Variants in TONSL observed in about 807,000 individuals in gnomAD.
TONSL encodes tonsoku-like protein.
TONSL carries 112 observed loss-of-function variants against 147.1 expected under a neutral mutation model. The ratio of observed to expected loss-of-function variants is 0.76; its 90% CI spans 0.65 to 0.89. The LOEUF (loss-of-function observed/expected upper bound fraction) is 0.89. Among genes scored for constraint, TONSL ranks in the 40% least tolerant of loss-of-function variants. TONSL has a pLI of 0.00. For synonymous variants in TONSL, 868 were observed against 801.5 expected (o/e 1.08, Z -1.40); for missense variants, 1,883 against 1,864.6 (o/e 1.01, Z -0.18).
At chr8:144,430,241 T>C (rs939777927) in intron 25 of TONSL, among the ~76,000 whole-genome samples, 163 bp downstream of exon 25, 3 of 152,152 alleles carry the variant, frequency 2.0e-5, no homozygotes, top group African/African-American at 7.2e-5. Context: ...CATGCCCCTT[T>C]TCTGTCACTG....
rs201661140 is a variant in TONSL at position 144,435,904 on chromosome 8, G to C, written c.2529C>G (p.Thr843=). ...CCCGGGGGCGGGGCCGGCGGCTGCG[G>C]GTCAGGGGCATGTCCAGCTCCAGCC... ...GDWLELDMPL[T]RSRRPRPRGT... is the part of the protein sequence containing the mutation. Residue 843 remains threonine (T), a synonymous_variant, in exon 17 of 26, where the codon ACC becomes ACG. Transcript: ENST00000409379. The C allele has an allele frequency of 1.9e-5, 31 of 1,593,834 alleles. No homozygotes were observed. The African/African-American group carries it at 3.6e-4, about 19-fold the overall frequency.
Position 144,433,724 on chromosome 8 carries a change from C to G in TONSL, c.3423G>C (p.Leu1141=). The G allele has an allele frequency of 6.2e-7, 1 of 1,602,306 alleles. No individual in the cohort carries two copies. The highest frequency in any genetic ancestry group is 8.5e-7 in the Non-Finnish European group (1 of 1,175,000). ...LEELDLSMNP[L]GDGCGQSLAS... Reference sequence around the variant, plus strand: ...CCAGGGACTGGCCACAGCCGTCCCCCAGGGGGTTCATGCTTAAGTCCAGCT... The same window carrying G: ...CCAGGGACTGGCCACAGCCGTCCCCGAGGGGGTTCATGCTTAAGTCCAGCT... Residue 1141 remains leucine, a synonymous_variant, in exon 22 of 26, where the codon CTG becomes CTC. Transcript: ENST00000409379.
At chr8:144,438,407 C>CCGG in intron 13 of TONSL, 64 bp downstream of exon 13, 1 of 1,545,094 alleles carries the variant, frequency 6.5e-7, no homozygotes, top group Admixed American at 1.7e-5. Context: ...GATAGGGGAT[C>CCGG]CGGCACAAAC....
rs1554878111 is a variant in TONSL at position 144,429,330 on chromosome 8, G to C, written c.3950C>G (p.Ala1317Gly). ...GCCCAGGCCCAGGGGACCCTGGACG[G>C]CGCAGCCTGCGGAGGGGAAGAGGGC... ...GLSFLGLSGC[A>G]VQGPLGLGLW... Residue 1317 changes from alanine (A) to glycine (G), a missense_variant, in exon 26 of 26, where the codon GCC becomes GGC. Transcript: ENST00000409379. 6.9e-7 allele frequency: 1 copy of C among 1,443,092 alleles called. No individual in the cohort carries two copies. The highest frequency in any genetic ancestry group is 2.7e-5 in the Admixed American group (1 of 37,716). The allele number at this position is 1,443,092 out of a possible 1,614,324, so 89.4% of individuals were successfully genotyped here.
chr8:144,440,275 G>A, intron 10 of TONSL, 65 bp from the exon 11 acceptor site: 1 of 1,556,548 alleles, frequency 6.4e-7, no homozygotes, highest in Admixed American at 1.8e-5. Context: ...GATGGGGATG[G>A]GGCACAAGGG....
intron 11 of TONSL, among the ~76,000 whole-genome samples, chr8:144,439,561 CCCTGCACCACGG>C (rs1823621353): frequency 1.3e-5 from 2 of 152,328 alleles, no homozygotes; most frequent in African/African-American, 4.8e-5. Flanking sequence ...AGCCCTCTCT[CCCTGCACCACGG>C]CCAAGATGGC....
rs1195760431 is a variant in TONSL at position 144,436,752 on chromosome 8, C to T, written c.1890+5G>A. The T allele has an allele frequency of 1.9e-6, 3 of 1,610,604 alleles. No individual in the cohort carries two copies. Among genetic ancestry groups the T allele is most frequent in the Non-Finnish European group, 2.5e-6 (3 of 1,179,234 alleles). ...CGCCCTTGCCCTCTGCCCCACCAGGCTCACCTTTCGAGTGCGGAGGGTGAC... is the reference window on the plus strand; with the variant it reads ...CGCCCTTGCCCTCTGCCCCACCAGGTTCACCTTTCGAGTGCGGAGGGTGAC... On this transcript the variant is annotated splice_donor_5th_base_variant and intron_variant, in intron 15 of 25. Transcript: ENST00000409379.
At position 144,440,699 on chromosome 8, in the gene TONSL, C is replaced by A. The variant is rs567671516; in HGVS notation, c.1164+19G>T. 3 of 1,605,728 alleles carry A rather than the reference C, an allele frequency of 1.9e-6. No homozygotes were observed. Among genetic ancestry groups the A allele is most frequent in the South Asian group, 1.1e-5 (1 of 90,544 alleles). On this transcript the variant is annotated intron_variant, in intron 9 of 25. Transcript: ENST00000409379. Reference sequence around the variant, plus strand: ...AGACATGGGTGAACCTGCATTCGGGCGGGGAGCAAGGGTTTCACCTCCAGC... The same window carrying A: ...AGACATGGGTGAACCTGCATTCGGGAGGGGAGCAAGGGTTTCACCTCCAGC...
chr8:144,436,743 C>T lies in TONSL; in HGVS notation c.1890+14G>A, dbSNP rs771887713. 2 of 1,610,424 alleles carry T rather than the reference C, an allele frequency of 1.2e-6. No homozygotes were observed. The highest frequency in any genetic ancestry group is 2.2e-5 in the South Asian group (2 of 91,014). ...CCATAACCTCGCCCTTGCCCTCTGC[C>T]CCACCAGGCTCACCTTTCGAGTGCG... On this transcript the variant is annotated intron_variant, in intron 15 of 25. Coordinates refer to ENST00000409379, the MANE Select transcript of TONSL (RefSeq NM_013432.5).
Position 144,440,423 on chromosome 8 carries a change from G to C in TONSL, c.1218C>G (p.Ala406=). Residue 406 remains alanine (A), a synonymous_variant, in exon 10 of 26, where the codon GCC becomes GCG. Coordinates refer to ENST00000409379, the MANE Select transcript of TONSL (RefSeq NM_013432.5). ...GGAAGCACGGGGCCAGCAGCTCGTAGGCATCGCCGGCCTCCTCGCGGGACA... is the reference window on the plus strand; with the variant it reads ...GGAAGCACGGGGCCAGCAGCTCGTACGCATCGCCGGCCTCCTCGCGGGACA... ...IALSREEAGD[A]YELLAPCFQK... The C allele has an allele frequency of 2.5e-6, 4 of 1,608,538 alleles. No individual in the cohort carries two copies. The highest frequency in any genetic ancestry group is 2.2e-5 in the South Asian group (2 of 90,912).
chr8:144,440,416 G>T lies in TONSL; in HGVS notation c.1225C>A (p.Leu409Met). 1 of 1,608,682 alleles carries T rather than the reference G, an allele frequency of 6.2e-7. No individual in the cohort carries two copies. ...SREEAGDAYE[L>M]LAPCFQKALS... ...GCTTTCTGGAAGCACGGGGCCAGCAGCTCGTAGGCATCGCCGGCCTCCTCG... is the reference window on the plus strand; with the variant it reads ...GCTTTCTGGAAGCACGGGGCCAGCATCTCGTAGGCATCGCCGGCCTCCTCG... Residue 409 changes from leucine (L) to methionine (M), a missense_variant, in exon 10 of 26, where the codon CTG becomes ATG. Coordinates refer to ENST00000409379, the MANE Select transcript of TONSL (RefSeq NM_013432.5).
intron 21 of TONSL, 30 bp downstream of exon 21, chr8:144,433,948 T>C (rs1554879302): frequency 6.5e-7 from 1 of 1,535,938 alleles, no homozygotes; most frequent in East Asian, 2.3e-5. Flanking sequence ...CTCCCCGCTG[T>C]TGAGGGCCTG....
chr8:144,441,556 C>T, intron 7 of TONSL: 1 of 200,488 alleles, frequency 5.0e-6, no homozygotes, highest in Non-Finnish European at 1.0e-5. Context: ...CATGCCACTG[C>T]ACTCCAGCCT....
At chr8:144,441,239 GGGGTTAATAGCA>G in intron 7 of TONSL, 128 bp from the exon 8 acceptor site, 2 of 1,322,710 alleles carry the variant, frequency 1.5e-6, no homozygotes, top group South Asian at 2.8e-5. Context: ...TGTTGGTGTG[GGGGTTAATAGCA>G]GGGTCTATCT....
Position 144,432,073 on chromosome 8 carries a change from C to G in TONSL, c.3735+212G>C, listed in dbSNP as rs1020490251. Among the ~76,000 whole-genome samples, 5 of 151,026 alleles carry G rather than the reference C, an allele frequency of 3.3e-5. 1 individual carries two copies. The highest frequency in any genetic ancestry group is 4.2e-4 in the South Asian group (2 of 4,766). ...GAACTCCTGACCTTGTGATCCACCCCCTTCGGCCTCCCAAAGTACTGGGAT... is the reference window on the plus strand; with the variant it reads ...GAACTCCTGACCTTGTGATCCACCCGCTTCGGCCTCCCAAAGTACTGGGAT... On this transcript the variant is annotated intron_variant, in intron 23 of 25. Coordinates refer to ENST00000409379, the MANE Select transcript of TONSL (RefSeq NM_013432.5).
At position 144,429,234 on chromosome 8, in the gene TONSL, C is replaced by T. The variant is rs1168589558; in HGVS notation, c.4046G>A (p.Arg1349Lys). 5.2e-6 allele frequency: 8 copies of T among 1,535,258 alleles called. No homozygotes were observed. The highest frequency in any genetic ancestry group is 1.4e-5 in the African/African-American group (1 of 72,616). The change falls in exon 26 of 26, where the codon AGG becomes AAG. Residue 1349 changes from arginine (R) to lysine (K), a missense_variant. Transcript: ENST00000409379. The stretch of plus-strand genomic sequence containing the variant: ...GGGCTGCAGCTGGCGCAGGGCGTCC[C>T]TGTCCTCAGCGCAGAGGCGTCTGCT... Reference protein sequence around the residue: ...LCSRRLCAEDRDALRQLQPSR... With the variant: ...LCSRRLCAEDKDALRQLQPSR...
Position 144,434,862 on chromosome 8 carries a change from G to A in TONSL, c.3034C>T (p.Leu1012=). The change falls in exon 20 of 26, where the codon CTG becomes TTG. Residue 1012 remains leucine, a synonymous_variant. Coordinates refer to ENST00000409379, the MANE Select transcript of TONSL (RefSeq NM_013432.5). Reference sequence around the variant, plus strand: ...CGGTAGCGGTCAGTCAACGGGGGCAGGTCCCACGAAGTCACCTCAGCCAAC... The same window carrying A: ...CGGTAGCGGTCAGTCAACGGGGGCAAGTCCCACGAAGTCACCTCAGCCAAC... ...EVLAEVTSWD[L]PPLTDRYRRA... 6.2e-7 allele frequency: 1 copy of A among 1,613,414 alleles called. No homozygotes were observed. Among genetic ancestry groups the A allele is most frequent in the Non-Finnish European group, 8.5e-7 (1 of 1,179,958 alleles).
intron 18 of TONSL, 141 bp from the exon 19 acceptor site, chr8:144,435,311 G>GCCCA: frequency 1.6e-6 from 2 of 1,271,690 alleles, no homozygotes; most frequent in Non-Finnish European, 2.1e-6. Flanking sequence ...TCTCCCTGCA[G>GCCCA]CCCAGCACAC....
intron 23 of TONSL, 151 bp downstream of exon 23, chr8:144,432,134 G>A: frequency 2.2e-6 from 2 of 908,154 alleles, no homozygotes; most frequent in Non-Finnish European, 3.3e-6. Context: ...CCCCCCAGCT[G>A]TTTTTTCTAA....
Sources: gnomAD v4.1 joint callset for allele counts (sites outside exome capture counted in the v4.1 genomes callset) on GRCh38, gnomAD v4.1.1 for gene constraint, MANE v1.5 for transcripts, NCBI Gene and HGNC (gene_info 2026-07-23, HGNC 2026-07-21) for gene names.